The following SDK2 variants were observed in gnomAD, a reference collection of about 807,000 sequenced individuals.
The protein encoded by SDK2 is sidekick cell adhesion molecule 2, also known as protein sidekick-2.
In SDK2, 105 loss-of-function variants were observed where a neutral mutation model predicts 253.9. The observed-to-expected ratio is 0.41, with a 90% confidence interval of 0.35 to 0.49. The LOEUF (loss-of-function observed/expected upper bound fraction) is 0.49. SDK2 is among the 20% of genes least tolerant of loss of function. The pLI is 0.06. For synonymous variants in SDK2, 1,249 were observed against 1,234.9 expected (o/e 1.01, Z -0.24); for missense variants, 2,608 against 3,003.0 (o/e 0.87, Z 3.07).
chr17:73,566,121 A>G (rs901247180), intron 1 of SDK2, among the ~76,000 whole-genome samples: 3 of 152,082 alleles, frequency 2.0e-5, no homozygotes, highest in Non-Finnish European at 4.4e-5. Context: ...GCCCCCAGCC[A>G]AGAGCTGGTT....
intron 2 of SDK2, among the ~76,000 whole-genome samples, chr17:73,491,442 G>T (rs1299094194): frequency 6.8e-6 from 1 of 147,222 alleles, no homozygotes; most frequent in African/African-American, 2.5e-5. Flanking sequence ...GCACGATCAC[G>T]GCTCACTGCA....
At chr17:73,585,917 G>A (rs769116394) in intron 1 of SDK2, among the ~76,000 whole-genome samples, 4 of 152,116 alleles carry the variant, frequency 2.6e-5, no homozygotes, top group South Asian at 2.1e-4. Flanking sequence ...GTCATTAAAC[G>A]GCACACCAAG....
In SDK2 at chr17:73,422,342, G is replaced by A. The variant is rs755854278; in HGVS notation, c.1990C>T (p.Arg664Cys). The A allele has an allele frequency of 2.5e-6, 4 of 1,613,876 alleles. No homozygotes were observed. Among genetic ancestry groups the A allele is most frequent in the Admixed American group, 3.3e-5 (2 of 60,012 alleles). ...CCCACGTCGTTGACGGCACAAAGAC[G>A]GAACTGGTAGGAGCGTGCAGGAACC... ...GLVPARSYQF[R>C]LCAVNDVGKG... Residue 664 changes from arginine (R) to cysteine (C), a missense_variant, in exon 15 of 45, where the codon CGT (arginine) becomes TGT (cysteine). Arg to Cys is a radical substitution (Grantham distance 180). Around this residue, in one of 2 missense-constraint regions of SDK2, gnomAD observed 1,505 missense variants for 1,859.1 expected, o/e 0.81. Coordinates refer to ENST00000392650, the MANE Select transcript of SDK2 (RefSeq NM_001144952.2).
In SDK2 at chr17:73,422,340, A is replaced by T; in HGVS notation, c.1992T>A (p.Arg664=). 1 of 1,613,918 alleles carries T rather than the reference A, an allele frequency of 6.2e-7. No individual in the cohort carries two copies. The part of the protein sequence containing the change: ...GLVPARSYQF[R]LCAVNDVGKG... Reference sequence around the variant, plus strand: ...TCCCCACGTCGTTGACGGCACAAAGACGGAACTGGTAGGAGCGTGCAGGAA... The same window carrying T: ...TCCCCACGTCGTTGACGGCACAAAGTCGGAACTGGTAGGAGCGTGCAGGAA... The change falls in exon 15 of 45, where the codon CGT becomes CGA. Residue 664 remains arginine (R), a synonymous_variant. Coordinates refer to ENST00000392650, the MANE Select transcript of SDK2 (RefSeq NM_001144952.2).
chr17:73,470,632 A>G (rs994311704), intron 3 of SDK2, among the ~76,000 whole-genome samples: 2 of 152,208 alleles, frequency 1.3e-5, no homozygotes, highest in African/African-American at 2.4e-5. Flanking sequence ...ATTTATGGGG[A>G]CAATCCATCC....
At chr17:73,522,030 G>A (rs2064083747) in intron 1 of SDK2, among the ~76,000 whole-genome samples, 1 of 152,232 alleles carries the variant, frequency 6.6e-6, no homozygotes, top group South Asian at 2.1e-4. Context: ...TTACAGAGGA[G>A]GGCACTGAGG....
Position 73,597,241 on chromosome 17 carries a change from C to T in SDK2, c.64+46784G>A, listed in dbSNP as rs144262855. On this transcript the variant is annotated intron_variant, in intron 1 of 44. Coordinates refer to ENST00000392650, the MANE Select transcript of SDK2 (RefSeq NM_001144952.2). ...TCTCCCTGGTGCTGGCTACCCAGCA[C>T]CCCACTACTGACACAAGACGGGGAG... 3.7e-3 allele frequency among the ~76,000 whole-genome samples: 570 copies of T among 152,286 alleles called. 5 individuals are homozygous for T. Among genetic ancestry groups the T allele is most frequent in the African/African-American group, 0.013 (555 of 41,554 alleles).
In SDK2 at chr17:73,541,041, G is replaced by T. The variant is rs1052351076; in HGVS notation, c.65-33444C>A. 1.3e-5 allele frequency among the ~76,000 whole-genome samples: 2 copies of T among 152,202 alleles called. No individual in the cohort carries two copies. Among genetic ancestry groups the T allele is most frequent in the African/African-American group, 4.8e-5 (2 of 41,454 alleles). ...TGGTCTCGGCCATCAAGCTGCCAAT[G>T]GTAAGCTGCTAGGCCCCCTGAGAGT... On this transcript the variant is annotated intron_variant, in intron 1 of 44. Coordinates refer to ENST00000392650, the MANE Select transcript of SDK2 (RefSeq NM_001144952.2). This position sits in a 1 kb window ranked among gnomAD's most constrained non-coding sequence, Gnocchi z 4.3.
intron 3 of SDK2, among the ~76,000 whole-genome samples, chr17:73,466,715 G>GCCCCC (rs869108125): frequency 1.9e-5 from 2 of 107,066 alleles, no homozygotes; most frequent in African/African-American, 9.3e-5. Flanking sequence ...TCTGGGGAAC[G>GCCCCC]CCCCCCCCCC....
At chr17:73,355,183 T>A (rs1315568019) in intron 40 of SDK2, among the ~76,000 whole-genome samples, 23 of 107,992 alleles carry the variant, frequency 2.1e-4, no homozygotes, top group African/African-American at 9.1e-4. Flanking sequence ...TATTTTTTTT[T>A]TTTTTTTTTT....
intron 6 of SDK2, among the ~76,000 whole-genome samples, chr17:73,438,376 G>A (rs1453753981): frequency 6.6e-6 from 1 of 152,216 alleles, no homozygotes; most frequent in African/African-American, 2.4e-5. Flanking sequence ...CGCCCAGGGG[G>A]TTGTAGCCAA....
chr17:73,552,216 C>G (rs541400991), intron 1 of SDK2, among the ~76,000 whole-genome samples: 11 of 152,366 alleles, frequency 7.2e-5, no homozygotes, highest in Middle Eastern at 6.8e-3. Context: ...TTACCAGCCT[C>G]TAGCCGGCAG....
In SDK2 at chr17:73,616,113, A is replaced by G. The variant is rs2046052800; in HGVS notation, c.64+27912T>C. 6.6e-6 allele frequency among the ~76,000 whole-genome samples: 1 copy of G among 152,216 alleles called. No homozygotes were observed. Among genetic ancestry groups the G allele is most frequent in the Non-Finnish European group, 1.5e-5 (1 of 68,042 alleles). Reference sequence around the variant, plus strand: ...GCTTGACAGTGTGCATGAAGTAGACATATGATCCAGTTTGTGGAATCGGTA... The same window carrying G: ...GCTTGACAGTGTGCATGAAGTAGACGTATGATCCAGTTTGTGGAATCGGTA... On this transcript the variant is annotated intron_variant, in intron 1 of 44. Coordinates refer to ENST00000392650, the MANE Select transcript of SDK2 (RefSeq NM_001144952.2). The surrounding 1 kb of genome is among the most constrained non-coding windows in gnomAD (Gnocchi z 5.2).
intron 27 of SDK2, among the ~76,000 whole-genome samples, chr17:73,392,459 G>A (rs917839908): frequency 6.6e-6 from 1 of 151,932 alleles, no homozygotes; most frequent in African/African-American, 2.4e-5. Flanking sequence ...GGTAGAGACA[G>A]GGTTTTACCA....
At position 73,571,548 on chromosome 17, in the gene SDK2, T is replaced by G. The variant is rs553299010; in HGVS notation, c.65-63951A>C. On this transcript the variant is annotated intron_variant, in intron 1 of 44. Transcript: ENST00000392650. The stretch of plus-strand genomic sequence containing the variant: ...TCCAGCCCGGTGGCCCCCCGGGCGC[T>G]CTAAGCAGCCTGTGCCTAATGACCG... 3.3e-5 allele frequency among the ~76,000 whole-genome samples: 5 copies of G among 152,280 alleles called. No individual in the cohort carries two copies. The South Asian group carries it at 8.3e-4, about 25-fold the overall frequency.
chr17:73,423,266 G>A, intron 14 of SDK2, 120 bp downstream of exon 14: 2 of 956,852 alleles, frequency 2.1e-6, no homozygotes, highest in Non-Finnish European at 2.8e-6. Context: ...GGCTGCCAGA[G>A]GGAAGGATCT....
chr17:73,387,384 G>A (rs944491305), intron 30 of SDK2, among the ~76,000 whole-genome samples: 2 of 152,104 alleles, frequency 1.3e-5, no homozygotes, highest in Non-Finnish European at 2.9e-5. Context: ...ATGGGGGGTG[G>A]GAGAGGTGGG....
intron 15 of SDK2, among the ~76,000 whole-genome samples, chr17:73,420,091 G>A (rs1568394826): frequency 6.6e-6 from 1 of 152,288 alleles, no homozygotes; most frequent in South Asian, 2.1e-4. Flanking sequence ...CCCCAGGCAG[G>A]AGCAGGGCGG....
In SDK2 at chr17:73,467,826, C is replaced by T. The variant is rs774025298; in HGVS notation, c.331+4286G>A. Among the ~76,000 whole-genome samples the T allele has an allele frequency of 6.6e-6, 1 of 152,208 alleles. No homozygotes were observed. The highest frequency in any genetic ancestry group is 1.5e-5 in the Non-Finnish European group (1 of 68,034). On this transcript the variant is annotated intron_variant, in intron 3 of 44. Transcript: ENST00000392650. This position sits in a 1 kb window ranked among gnomAD's most constrained non-coding sequence, Gnocchi z 4.1. Reference sequence around the variant, plus strand: ...ACATTATGGAGGAAACAGCTTCACACCTGCAAAGCCGTGCACAGTAGCAGA... The same window carrying T: ...ACATTATGGAGGAAACAGCTTCACATCTGCAAAGCCGTGCACAGTAGCAGA...
Sources: gnomAD v4.1 joint callset for allele counts (sites outside exome capture counted in the v4.1 genomes callset) on GRCh38, gnomAD v4.1.1 for gene constraint, gnomAD v4.1.1 regional missense constraint, Gnocchi (gnomAD v3.1) non-coding constraint, MANE v1.5 for transcripts, NCBI Gene and HGNC (gene_info 2026-07-23, HGNC 2026-07-21) for gene names.